MSH6: variants seen among roughly 807,000 people sequenced by gnomAD.
MSH6 encodes mutS homolog 6.
MSH6 carries 85 observed loss-of-function variants against 119.1 expected under a neutral mutation model. That is an observed-to-expected ratio of 0.71 (90% CI 0.60 to 0.85). The LOEUF (loss-of-function observed/expected upper bound fraction) is 0.85. MSH6 is among the 40% of genes least tolerant of loss of function. The pLI is 0.00. For missense variants in MSH6, 2,163 were observed against 1,655.3 expected (o/e 1.31, Z -5.32); for synonymous variants, 830 against 586.9 (o/e 1.41, Z -5.99).
At chr2:47,783,804 G>T (rs1422569925) in intron 1 of MSH6, 6 of 599,444 alleles carry the variant, frequency 1.0e-5, no homozygotes, top group Non-Finnish European at 1.3e-5. Context: ...TAAGGAAGGG[G>T]CGACGCGCGC....
At chr2:47,808,401 C>T, downstream of MSH6, 1 of 1,605,146 alleles carries the variant, frequency 6.2e-7, no homozygotes, top group Non-Finnish European at 8.5e-7. Context: ...TATGGCATTT[C>T]GATCTGTGGT....
At chr2:47,808,351 C>T (rs1307861728), downstream of MSH6, 1 of 1,612,330 alleles carries the variant, frequency 6.2e-7, no homozygotes, top group South Asian at 1.1e-5. Context: ...ATAAACTCTA[C>T]ATCATGTCCC....
rs1412583057 is a variant in MSH6, at chr2:47,783,195, T to C, written c.-39T>C. 73 of 1,608,170 alleles carry C rather than the reference T, an allele frequency of 4.5e-5. No individual in the cohort carries two copies. Among genetic ancestry groups the C allele is most frequent in the Non-Finnish European group, 6.2e-5 (73 of 1,178,360 alleles). On this transcript the variant is annotated 5_prime_UTR_variant, in exon 1 of 10. Transcript: ENST00000234420. ...CGGTAGATGCGGTGCTTTTAGGAGC[T>C]CCGTCCGACAGAACGGTTGGGCCTT... is the stretch of plus-strand genomic sequence containing the variant.
chr2:47,809,505 G>T, downstream of MSH6: 1 of 901,868 alleles, frequency 1.1e-6, no homozygotes, highest in Non-Finnish European at 1.7e-6. Flanking sequence ...TTGCTAACTT[G>T]GAGAGTGACA....
In MSH6 at chr2:47,800,785, C is replaced by G. The variant is rs1669512732; in HGVS notation, c.2802C>G (p.Asp934Glu). The G allele has an allele frequency of 6.2e-7, 1 of 1,614,124 alleles. No individual in the cohort carries two copies. Among genetic ancestry groups the G allele is most frequent in the African/African-American group, 1.3e-5 (1 of 75,048 alleles). Residue 934 changes from aspartate to glutamate, a missense_variant, in exon 4 of 10, where the codon GAC (aspartate) becomes GAG (glutamate). Coordinates refer to ENST00000234420, the MANE Select transcript of MSH6 (RefSeq NM_000179.3). ...TGLITPKAGFDSDYDQALADI... is the reference protein window; with the variant it reads ...TGLITPKAGFESDYDQALADI... ...TTATTACTCCCAAAGCAGGCTTTGACTCTGATTATGACCAAGCTCTTGCTG... is the reference window on the plus strand; with the variant it reads ...TTATTACTCCCAAAGCAGGCTTTGAGTCTGATTATGACCAAGCTCTTGCTG...
At chr2:47,795,478 T>TTTTC (rs1669024604) in intron 2 of MSH6, among the ~76,000 whole-genome samples, 1 of 150,056 alleles carries the variant, frequency 6.7e-6, no homozygotes, top group Non-Finnish European at 1.5e-5. Flanking sequence ...TTTTTTTTTT[T>TTTTC]TCATCGAGAC....
In MSH6 at chr2:47,799,955, G is replaced by C. The variant is rs1553413340; in HGVS notation, c.1972G>C (p.Val658Leu). Residue 658 changes from valine (V) to leucine (L), a missense_variant, in exon 4 of 10, where the codon GTG becomes CTG. Coordinates refer to ENST00000234420, the MANE Select transcript of MSH6 (RefSeq NM_000179.3). ...SDGIGVMLPQVLKGMTSESDS... is the reference protein window; with the variant it reads ...SDGIGVMLPQLLKGMTSESDS... ...TGGCATTGGGGTGATGTTACCCCAG[G>C]TGCTTAAAGGTATGACTTCAGAGTC... The C allele has an allele frequency of 6.2e-7, 1 of 1,614,148 alleles. No homozygotes were observed. Among genetic ancestry groups the C allele is most frequent in the Non-Finnish European group, 8.5e-7 (1 of 1,180,044 alleles).
downstream of MSH6, chr2:47,809,800 T>C (rs1670484353): frequency 2.6e-6 from 2 of 759,486 alleles, no homozygotes; most frequent in African/African-American, 1.7e-5. Flanking sequence ...GCTTCTTTTA[T>C]AGAAGTACAT....
chr2:47,784,024 T>C (rs1342185703), intron 1 of MSH6: 30 of 1,019,282 alleles, frequency 2.9e-5, no homozygotes, highest in Non-Finnish European at 3.2e-5. Flanking sequence ...GGGGCTCCAG[T>C]AGTCGATCGA....
intron 2 of MSH6, among the ~76,000 whole-genome samples, chr2:47,791,860 T>C (rs1420130062): frequency 6.6e-6 from 1 of 151,736 alleles, no homozygotes; most frequent in African/African-American, 2.4e-5. Context: ...TATATTTTTT[T>C]TTTGAGACGG....
chr2:47,791,141 CAT>C lies in MSH6; in HGVS notation c.457+19_457+20del, dbSNP rs1491215647. On this transcript the variant is annotated intron_variant, in intron 2 of 9. Transcript: ENST00000234420. Reference sequence around the variant, plus strand: ...ATATACAGGTAAGAGTCACTACTGCCATGTGTGTGTGTTTGTGTGTGTGTGTG... The same window carrying C: ...ATATACAGGTAAGAGTCACTACTGCCGTGTGTGTGTTTGTGTGTGTGTGTG... The C allele has an allele frequency of 4.5e-5, 72 of 1,604,206 alleles. No homozygotes were observed. The highest frequency in any genetic ancestry group is 8.1e-5 in the African/African-American group (6 of 73,844).
chr2:47,808,543 T>C, downstream of MSH6: 1 of 790,146 alleles, frequency 1.3e-6, no homozygotes, highest in Non-Finnish European at 1.9e-6. Context: ...CAAAATTCTT[T>C]GTGGCTCCAG....
At chr2:47,802,696 A>G (rs1235768162) in intron 4 of MSH6, among the ~76,000 whole-genome samples, 1 of 150,100 alleles carries the variant, frequency 6.7e-6, no homozygotes, top group Non-Finnish European at 1.5e-5. Context: ...ACACAGTAAC[A>G]CAAAACTATT....
chr2:47,809,258 T>A (rs771109255), downstream of MSH6: 1 of 1,563,736 alleles, frequency 6.4e-7, no homozygotes, highest in South Asian at 1.2e-5. Context: ...TTGTTCATTA[T>A]TTTGTTATCT....
intron 4 of MSH6, among the ~76,000 whole-genome samples, chr2:47,802,484 T>C (rs1466449257): frequency 6.6e-6 from 1 of 151,720 alleles, no homozygotes; most frequent in African/African-American, 2.4e-5. Context: ...GTGGTCACCA[T>C]CACACCTGGC....
intron 9 of MSH6, 38 bp from the exon 10 acceptor site, chr2:47,806,741 A>G (rs772488489): frequency 5.1e-6 from 8 of 1,558,626 alleles, no homozygotes; most frequent in Admixed American, 3.5e-5. Context: ...ACTATGAAAA[A>G]ACAAAAAAAC....
intron 7 of MSH6, 127 bp from the exon 8 acceptor site, chr2:47,806,077 T>C: frequency 2.2e-6 from 2 of 920,930 alleles, no homozygotes; most frequent in Non-Finnish European, 3.5e-6. Flanking sequence ...CAAGGCCTAT[T>C]TATAGAATGC....
chr2:47,809,278 G>T, downstream of MSH6: 2 of 1,460,384 alleles, frequency 1.4e-6, no homozygotes, highest in Non-Finnish European at 1.9e-6. Flanking sequence ...TGTAATAAAA[G>T]AAAGAATAAG....
At chr2:47,792,301 A>G (rs928919914) in intron 2 of MSH6, among the ~76,000 whole-genome samples, 1 of 151,966 alleles carries the variant, frequency 6.6e-6, no homozygotes, top group African/African-American at 2.4e-5. Flanking sequence ...AATCCAAACA[A>G]GGGTCAGTTT....
Sources: gnomAD v4.1 joint callset for allele counts (sites outside exome capture counted in the v4.1 genomes callset) on GRCh38, gnomAD v4.1.1 for gene constraint, MANE v1.5 for transcripts, NCBI Gene and HGNC (gene_info 2026-07-23, HGNC 2026-07-21) for gene names.